IMMP2L: variants seen among roughly 807,000 people sequenced by gnomAD.
The protein encoded by IMMP2L is inner mitochondrial membrane peptidase subunit 2, also known as mitochondrial inner membrane protease subunit 2.
IMMP2L carries 18 observed loss-of-function variants against 19.3 expected under a neutral mutation model. That is an observed-to-expected ratio of 0.93 (90% confidence interval 0.64 to 1.38). IMMP2L has a LOEUF of 1.38. IMMP2L is among the 40% of genes most tolerant of loss of function. The probability of loss-of-function intolerance (pLI) is 0.00; values close to 1 mark genes in which losing one functional copy is unlikely to be tolerated. For missense variants in IMMP2L, 233 were observed against 218.2 expected, an observed-to-expected ratio of 1.07 and a Z score of -0.43; for synonymous variants, 76 against 73.0, an observed-to-expected ratio of 1.04 and a Z score of -0.21.
chr7:111,335,194 A>G (rs1826274120), intron 3 of IMMP2L, among the ~76,000 whole-genome samples: 1 of 152,248 alleles, frequency 6.6e-6, no homozygotes, highest in South Asian at 2.1e-4. Flanking sequence ...GCTAGGTTTC[A>G]GCCTCCCTCA....
intron 3 of IMMP2L, among the ~76,000 whole-genome samples, chr7:111,152,311 C>G (rs1231571024): frequency 6.6e-6 from 1 of 152,116 alleles, no homozygotes; most frequent in Non-Finnish European, 1.5e-5. Context: ...AATGTTACCA[C>G]TGCATTACCG....
chr7:111,383,497 C>A (rs1450983035), intron 3 of IMMP2L, among the ~76,000 whole-genome samples: 1 of 152,122 alleles, frequency 6.6e-6, no homozygotes, highest in Non-Finnish European at 1.5e-5. Flanking sequence ...CTTCACTGGA[C>A]CAGAAAACCG....
rs142969450 is a variant in IMMP2L at position 110,760,274 on chromosome 7, A to G, written c.409-96553T>C. Among the ~76,000 whole-genome samples, 1,413 of 152,228 alleles carry G rather than the reference A, an allele frequency of 9.3e-3. 55 individuals carry two copies. Among genetic ancestry groups the G allele is most frequent in the Admixed American group, 0.065 (994 of 15,254 alleles). Reference sequence around the variant, plus strand: ...GCCTTAGAGAAGTTGTTTACATCCAATATTGGACTACCCTTCACATTAAGT... The same window carrying G: ...GCCTTAGAGAAGTTGTTTACATCCAGTATTGGACTACCCTTCACATTAAGT... On this transcript the variant is annotated intron_variant, in intron 5 of 5. Coordinates refer to ENST00000405709, the MANE Select transcript of IMMP2L (RefSeq NM_032549.4). This position sits in a 1 kb window ranked among gnomAD's most constrained non-coding sequence, Gnocchi z 4.2.
At chr7:111,008,808 C>A (rs539233926) in intron 3 of IMMP2L, among the ~76,000 whole-genome samples, 1 of 152,004 alleles carries the variant, frequency 6.6e-6, no homozygotes, top group East Asian at 1.9e-4. Flanking sequence ...GAAGGTTCAG[C>A]AAAGTTACAA....
At chr7:111,274,998 G>A (rs879265194) in intron 3 of IMMP2L, among the ~76,000 whole-genome samples, 12 of 152,236 alleles carry the variant, frequency 7.9e-5, no homozygotes, top group Admixed American at 2.6e-4. Flanking sequence ...GCACCAAGGC[G>A]CAACTCTGCT....
intron 3 of IMMP2L, among the ~76,000 whole-genome samples, chr7:111,324,981 T>C (rs1237390860): frequency 6.6e-6 from 1 of 151,754 alleles, no homozygotes; most frequent in South Asian, 2.1e-4. Context: ...ATATGCAAAT[T>C]ATGGTGCCTG....
At chr7:111,362,668 T>C (rs1331862448) in intron 3 of IMMP2L, among the ~76,000 whole-genome samples, 1 of 152,124 alleles carries the variant, frequency 6.6e-6, no homozygotes, top group Non-Finnish European at 1.5e-5. Context: ...AACCGAAGAA[T>C]TAGAAACCAT....
chr7:111,310,072 T>C (rs1240547398), intron 3 of IMMP2L, among the ~76,000 whole-genome samples: 1 of 151,850 alleles, frequency 6.6e-6, no homozygotes, highest in African/African-American at 2.4e-5. Context: ...CCAACTCTAC[T>C]AAAAATACAA....
chr7:110,814,319 C>T (rs936339397), intron 5 of IMMP2L, among the ~76,000 whole-genome samples: 1 of 151,566 alleles, frequency 6.6e-6, no homozygotes, highest in Non-Finnish European at 1.5e-5. Flanking sequence ...TCAGTTTTTC[C>T]TATTTTGGAA....
At chr7:111,067,508 T>C (rs1005714260) in intron 3 of IMMP2L, among the ~76,000 whole-genome samples, 5 of 152,220 alleles carry the variant, frequency 3.3e-5, no homozygotes, top group Admixed American at 3.3e-4. Flanking sequence ...GGCTGTGTCA[T>C]TTTTTGATAC....
At chr7:111,223,718 T>C (rs980114301) in intron 3 of IMMP2L, among the ~76,000 whole-genome samples, 4 of 152,142 alleles carry the variant, frequency 2.6e-5, no homozygotes, top group African/African-American at 9.7e-5. Context: ...AACTGTTTCC[T>C]GCAGTTCTTC....
chr7:111,012,516 T>A (rs1825073359), intron 3 of IMMP2L, among the ~76,000 whole-genome samples: 1 of 152,208 alleles, frequency 6.6e-6, no homozygotes, highest in African/African-American at 2.4e-5. Context: ...TATATGATAT[T>A]AACATAGGGG....
intron 3 of IMMP2L, among the ~76,000 whole-genome samples, chr7:111,314,520 T>C (rs577017787): frequency 1.4e-4 from 21 of 152,218 alleles, no homozygotes; most frequent in Non-Finnish European, 2.5e-4. Flanking sequence ...GAATGGAGGA[T>C]TGACTAGAGT....
chr7:111,124,217 A>T, intron 3 of IMMP2L: 1 of 1,614,000 alleles, frequency 6.2e-7, no homozygotes, highest in Non-Finnish European at 8.5e-7. Context: ...GGAACACTAG[A>T]TATAAATGGC....
chr7:111,309,201 T>C (rs1383524304), intron 3 of IMMP2L, among the ~76,000 whole-genome samples: 2 of 152,172 alleles, frequency 1.3e-5, no homozygotes, highest in African/African-American at 2.4e-5. Flanking sequence ...ATTGTTTTCA[T>C]TATTTGCAGT....
At chr7:111,549,279 T>C (rs1257783251) in intron 1 of IMMP2L, among the ~76,000 whole-genome samples, 2 of 152,174 alleles carry the variant, frequency 1.3e-5, no homozygotes, top group Admixed American at 6.5e-5. Flanking sequence ...TAAATTCACA[T>C]AGGATTCTTA....
intron 3 of IMMP2L, among the ~76,000 whole-genome samples, chr7:111,323,542 A>G (rs144620112): frequency 0.025 from 3,777 of 152,056 alleles, 159 homozygotes; most frequent in African/African-American, 0.086. Flanking sequence ...CACTGTTGGT[A>G]GGACTGTAAA....
At chr7:111,128,567 C>T (rs1047285592) in intron 3 of IMMP2L, among the ~76,000 whole-genome samples, 1 of 152,146 alleles carries the variant, frequency 6.6e-6, no homozygotes, top group Non-Finnish European at 1.5e-5. Context: ...TGGCTCAAGC[C>T]GGTAATCCCA....
At chr7:110,762,208 T>C (rs1584751182) in intron 5 of IMMP2L, among the ~76,000 whole-genome samples, 1 of 152,140 alleles carries the variant, frequency 6.6e-6, no homozygotes, top group Non-Finnish European at 1.5e-5. Flanking sequence ...TCTTAGAGGT[T>C]TTATCTGGGA....
Sources: allele counts gnomAD v4.1 joint callset (sites outside exome capture counted in the v4.1 genomes callset), GRCh38; gene constraint gnomAD v4.1.1; non-coding constraint Gnocchi (gnomAD v3.1); transcripts MANE v1.5; gene names NCBI Gene and HGNC (gene_info 2026-07-23, HGNC 2026-07-21).